The following GRIK1 variants were observed in gnomAD, a reference collection of about 807,000 sequenced individuals.
GRIK1 encodes glutamate receptor ionotropic, kainate 1.
Under a neutral mutation model 105.7 loss-of-function variants are expected in GRIK1, and 69 were observed. That is an observed-to-expected ratio of 0.65 (90% CI 0.54 to 0.80). GRIK1 has a LOEUF of 0.80. Among genes scored for constraint, GRIK1 ranks in the 30% least tolerant of loss-of-function variants. GRIK1 has a pLI of 0.00. For synonymous variants in GRIK1, 438 were observed against 431.3 expected (o/e 1.02, Z -0.19); for missense variants, 1,109 against 1,167.3 (o/e 0.95, Z 0.73).
intron 1 of GRIK1, among the ~76,000 whole-genome samples, chr21:29,847,192 T>C (rs1166104935): frequency 6.6e-6 from 1 of 152,214 alleles, no homozygotes; most frequent in Non-Finnish European, 1.5e-5. Flanking sequence ...ACTCTCATTG[T>C]CCTTTTCCTT....
At chr21:29,566,889 A>C (rs1349374031) in intron 14 of GRIK1, among the ~76,000 whole-genome samples, 1 of 145,316 alleles carries the variant, frequency 6.9e-6, no homozygotes, top group Non-Finnish European at 1.5e-5. Context: ...GGAATGAACT[A>C]TCTCTTAATA....
At chr21:29,844,444 A>G (rs552048684) in intron 1 of GRIK1, among the ~76,000 whole-genome samples, 147 of 152,324 alleles carry the variant, frequency 9.7e-4, no homozygotes, top group Non-Finnish European at 1.6e-3. Flanking sequence ...CTCTTCTTCA[A>G]TAAAGCTATT....
At chr21:29,591,924 G>A (rs986395502) in intron 9 of GRIK1, among the ~76,000 whole-genome samples, 2 of 152,078 alleles carry the variant, frequency 1.3e-5, no homozygotes, top group East Asian at 1.9e-4. Context: ...GATGGTGCAC[G>A]CCTGCAGTCT....
chr21:29,554,790 T>G (rs2090206341), intron 16 of GRIK1, among the ~76,000 whole-genome samples: 1 of 152,164 alleles, frequency 6.6e-6, no homozygotes, highest in South Asian at 2.1e-4. Flanking sequence ...ATTAACTGAG[T>G]TTGGAATTTC....
At chr21:29,800,404 T>C (rs1382820057) in intron 1 of GRIK1, among the ~76,000 whole-genome samples, 1 of 152,204 alleles carries the variant, frequency 6.6e-6, no homozygotes, top group Non-Finnish European at 1.5e-5. Context: ...TAAAAGCTTT[T>C]AAAAAGAAGA....
rs536453099 is a variant in GRIK1, at chr21:29,662,960, G to A, written c.727-8097C>T. ...TGTACAGCCAGTGCTGAGAACCACT[G>A]ATTTATATTAACCAAGCTCATATTT... On this transcript the variant is annotated intron_variant, in intron 4 of 17. Transcript: ENST00000327783. Among the ~76,000 whole-genome samples, 11 of 152,246 alleles carry A rather than the reference G, an allele frequency of 7.2e-5. No homozygotes were observed. The East Asian group carries it at 2.1e-3, about 29-fold the overall frequency.
intron 1 of GRIK1, among the ~76,000 whole-genome samples, chr21:29,923,530 C>T (rs455892): frequency 0.25 from 38,638 of 151,986 alleles, 6,176 homozygotes; most frequent in African/African-American, 0.46. Flanking sequence ...GGAGTTACAA[C>T]GAGTGTTTCC....
At chr21:29,847,905 T>A (rs890919828) in intron 1 of GRIK1, among the ~76,000 whole-genome samples, 1 of 152,060 alleles carries the variant, frequency 6.6e-6, no homozygotes, top group African/African-American at 2.4e-5. Flanking sequence ...TCTCTTTCTC[T>A]CTCTCTCTCC....
At position 29,642,883 on chromosome 21, in the gene GRIK1, C is replaced by A. The variant is rs773718299; in HGVS notation, c.1041G>T (p.Gln347His). 3.7e-6 allele frequency: 6 copies of A among 1,614,046 alleles called. No homozygotes were observed. In the South Asian group the frequency reaches 6.6e-5, roughly 18 times the overall value. ...GGCGCCATGGCTTATGTCTATGGCA[C>A]TGCAGGGAGCTGACGGTCAGCTGGG... ...RASQLTVSSL[Q>H]CHRHKPWRLG... Residue 347 changes from glutamine (Q) to histidine (H), a missense_variant, in exon 7 of 18, where the codon CAG becomes CAT. This residue lies in a region of GRIK1 where 612 missense variants were observed against 586.0 expected (regional missense o/e 1.04). Coordinates refer to ENST00000327783, the MANE Select transcript of GRIK1 (RefSeq NM_001330994.2).
chr21:29,664,742 G>A (rs1008150290), intron 4 of GRIK1, among the ~76,000 whole-genome samples: 1 of 152,140 alleles, frequency 6.6e-6, no homozygotes, highest in Non-Finnish European at 1.5e-5. Flanking sequence ...GGATCCTTTT[G>A]ATAAGATCTT....
At chr21:29,873,576 C>G (rs2069092648) in intron 1 of GRIK1, among the ~76,000 whole-genome samples, 1 of 152,170 alleles carries the variant, frequency 6.6e-6, no homozygotes, top group African/African-American at 2.4e-5. Flanking sequence ...AATGTTAGCT[C>G]TTTTATGATT....
chr21:29,625,676 A>G (rs894715333), intron 7 of GRIK1, among the ~76,000 whole-genome samples: 1 of 152,186 alleles, frequency 6.6e-6, no homozygotes, highest in African/African-American at 2.4e-5. Flanking sequence ...TGTAATGCAC[A>G]TATTTGCTTT....
intron 1 of GRIK1, among the ~76,000 whole-genome samples, chr21:29,797,870 T>C (rs2066600742): frequency 6.6e-6 from 1 of 152,158 alleles, no homozygotes; most frequent in Non-Finnish European, 1.5e-5. Context: ...ATCATCCCTT[T>C]ATTATTGCCT....
intron 1 of GRIK1, among the ~76,000 whole-genome samples, chr21:29,879,447 C>T (rs975414935): frequency 1.3e-4 from 20 of 152,068 alleles, no homozygotes; most frequent in African/African-American, 3.9e-4. Flanking sequence ...TTCAGGTTCA[C>T]GAGATACATG....
At chr21:29,884,538 A>T (rs1186000377) in intron 1 of GRIK1, among the ~76,000 whole-genome samples, 1 of 152,006 alleles carries the variant, frequency 6.6e-6, no homozygotes, top group Non-Finnish European at 1.5e-5. Flanking sequence ...GGCCATGTTC[A>T]TCTCTCAGTT....
chr21:29,737,813 A>C (rs1466461778), intron 1 of GRIK1, among the ~76,000 whole-genome samples: 1 of 152,256 alleles, frequency 6.6e-6, no homozygotes, highest in African/African-American at 2.4e-5. Context: ...TGCAATGAAC[A>C]AATATTCCTG....
At chr21:29,838,593 C>G (rs1006993666) in intron 1 of GRIK1, among the ~76,000 whole-genome samples, 3 of 152,150 alleles carry the variant, frequency 2.0e-5, no homozygotes, top group Admixed American at 2.0e-4. Flanking sequence ...ACTTCAGAAA[C>G]AGCAGAACTA....
chr21:29,561,726 T>G lies in GRIK1; in HGVS notation c.2254A>C (p.Met752Leu). 1 of 1,612,386 alleles carries G rather than the reference T, an allele frequency of 6.2e-7. No homozygotes were observed. Among genetic ancestry groups the G allele is most frequent in the East Asian group, 2.2e-5 (1 of 44,866 alleles). Residue 752 changes from methionine (M) to leucine (L), a missense_variant, in exon 15 of 18, where the codon ATG becomes CTG. Met to Leu is a conservative substitution (Grantham distance 15). Around this residue, in one of 5 missense-constraint regions of GRIK1, gnomAD observed 264 missense variants for 306.9 expected, o/e 0.86. Transcript: ENST00000327783. Reference sequence around the variant, plus strand: ...ACATACTCAATGCTGGTGGACTCCATCAGCAGCGCGTAGTCTGTGGTGAGC... The same window carrying G: ...ACATACTCAATGCTGGTGGACTCCAGCAGCAGCGCGTAGTCTGTGGTGAGC... ...RVLTTDYALL[M>L]ESTSIEYVTQ...
intron 1 of GRIK1, among the ~76,000 whole-genome samples, chr21:29,888,634 C>T (rs966315388): frequency 2.6e-5 from 4 of 152,106 alleles, no homozygotes; most frequent in African/African-American, 9.7e-5. Context: ...GACTCAACAG[C>T]TAACAAATGC....
Sources: gnomAD v4.1 joint callset for allele counts (sites outside exome capture counted in the v4.1 genomes callset) on GRCh38, gnomAD v4.1.1 for gene constraint, gnomAD v4.1.1 regional missense constraint, MANE v1.5 for transcripts, NCBI Gene and HGNC (gene_info 2026-07-23, HGNC 2026-07-21) for gene names.